Variants in PCCB observed in about 807,000 individuals in gnomAD.
PCCB encodes propionyl-CoA carboxylase subunit beta.
A neutral mutation model predicts 60.7 loss-of-function variants in PCCB; 43 were observed. That is an observed-to-expected ratio of 0.71 (90% CI 0.55 to 0.91). PCCB has a LOEUF of 0.91. Ranked by LOEUF, PCCB falls within the 40% of genes least tolerant of loss-of-function variation. PCCB has a pLI of 0.00. For missense variants in PCCB, 766 were observed against 702.8 expected (o/e 1.09, Z -1.02); for synonymous variants, 276 against 255.9 (o/e 1.08, Z -0.75).
At chr3:136,290,755 G>A (rs902431814) in intron 6 of PCCB, among the ~76,000 whole-genome samples, 1 of 138,960 alleles carries the variant, frequency 7.2e-6, no homozygotes, top group South Asian at 2.3e-4. Flanking sequence ...ACAATTTGGG[G>A]AACTTTTCTG....
intron 3 of PCCB, chr3:136,259,239 G>A (rs761924268): frequency 9.8e-7 from 1 of 1,020,116 alleles, no homozygotes; most frequent in South Asian, 2.6e-5. Context: ...GGCCGAGGTG[G>A]GTAGATCACT....
intron 3 of PCCB, among the ~76,000 whole-genome samples, chr3:136,258,808 A>C (rs1941746115): frequency 6.6e-6 from 1 of 151,860 alleles, no homozygotes. Flanking sequence ...GACTGCTTCT[A>C]ACAGAGACTT....
At position 136,285,738 on chromosome 3, in the gene PCCB, T is replaced by G. The variant is rs183646773; in HGVS notation, c.654+1791T>G. On this transcript the variant is annotated intron_variant, in intron 6 of 14. Coordinates refer to ENST00000251654, the MANE Select transcript of PCCB (RefSeq NM_000532.5). ...TACATGATTCCATTCAGACTCTAGATGCTGGAGTTCATTTCAACTGCTTTC... is the reference window on the plus strand; with the variant it reads ...TACATGATTCCATTCAGACTCTAGAGGCTGGAGTTCATTTCAACTGCTTTC... Among the ~76,000 whole-genome samples, 166 of 152,350 alleles carry G rather than the reference T, an allele frequency of 1.1e-3. 2 individuals are homozygous for G. The highest frequency in any genetic ancestry group is 8.8e-4 in the Non-Finnish European group (60 of 68,036).
chr3:136,270,052 A>G (rs541040432), intron 5 of PCCB, among the ~76,000 whole-genome samples: 1 of 149,188 alleles, frequency 6.7e-6, no homozygotes, highest in African/African-American at 2.5e-5. Flanking sequence ...TCTACTTCTA[A>G]TTTTTTGAGT....
chr3:136,315,409 T>C (rs948247660), intron 9 of PCCB, among the ~76,000 whole-genome samples: 1 of 152,174 alleles, frequency 6.6e-6, no homozygotes, highest in Non-Finnish European at 1.5e-5. Flanking sequence ...TGCGTGCCTG[T>C]AGTCCCAGCT....
chr3:136,278,080 T>G (rs1488507223), intron 5 of PCCB, among the ~76,000 whole-genome samples: 2 of 152,106 alleles, frequency 1.3e-5, no homozygotes, highest in Non-Finnish European at 2.9e-5. Flanking sequence ...CCCTGTGAGG[T>G]ACAATAAAGA....
At chr3:136,271,386 A>C (rs537474026) in intron 5 of PCCB, among the ~76,000 whole-genome samples, 32 of 152,274 alleles carry the variant, frequency 2.1e-4, no homozygotes, top group African/African-American at 7.7e-4. Flanking sequence ...TCTGTGAAAA[A>C]TGATGATGGT....
chr3:136,274,968 T>C (rs1293718258), intron 5 of PCCB, among the ~76,000 whole-genome samples: 1 of 151,870 alleles, frequency 6.6e-6, no homozygotes, highest in Non-Finnish European at 1.5e-5. Flanking sequence ...ATGCCACCAC[T>C]CCCGGCTAAT....
At chr3:136,326,469 T>C in intron 10 of PCCB, 1 of 695,484 alleles carries the variant, frequency 1.4e-6, no homozygotes, top group East Asian at 2.7e-5. Flanking sequence ...GATTGGAAGC[T>C]CTGAGGACTC....
chr3:136,327,295 T>A (rs781489165), intron 12 of PCCB, 40 bp downstream of exon 12: 1 of 1,478,070 alleles, frequency 6.8e-7, no homozygotes, highest in Non-Finnish European at 9.5e-7. Context: ...CTGCTCACTT[T>A]CCTACAGCAT....
intron 10 of PCCB, among the ~76,000 whole-genome samples, chr3:136,325,132 C>T (rs538761598): frequency 1.1e-4 from 17 of 151,512 alleles, no homozygotes; most frequent in Non-Finnish European, 2.1e-4. Context: ...TCAGGTGATC[C>T]GCCCACCTTG....
At chr3:136,254,548 T>TTTA (rs1411852644) in intron 1 of PCCB, among the ~76,000 whole-genome samples, 7 of 130,350 alleles carry the variant, frequency 5.4e-5, no homozygotes, top group South Asian at 2.4e-4. Context: ...TTTTTTTTTT[T>TTTA]AAAAGACAGG....
intron 3 of PCCB, among the ~76,000 whole-genome samples, chr3:136,258,209 A>G (rs917696255): frequency 6.6e-5 from 10 of 152,186 alleles, no homozygotes; most frequent in African/African-American, 2.4e-4. Context: ...AATTCACTGA[A>G]TTGATACTTT....
At position 136,327,161 on chromosome 3, in the gene PCCB, C is replaced by T; in HGVS notation, c.1205C>T (p.Ala402Val). ...AACTCTTCCTCATGTCTAGGCACAG[C>T]ACAGGAATACGGGGGCATCATCCGG... ...VDVPGFLPGT[A>V]QEYGGIIRHG... The change falls in exon 12 of 15, where the codon GCA becomes GTA. Residue 402 changes from alanine to valine, a missense_variant. Physicochemically the swap from Ala to Val is moderately conservative, Grantham distance 64. Coordinates refer to ENST00000251654, the MANE Select transcript of PCCB (RefSeq NM_000532.5). 2 of 1,613,928 alleles carry T rather than the reference C, an allele frequency of 1.2e-6. No homozygotes were observed. The highest frequency in any genetic ancestry group is 1.1e-5 in the South Asian group (1 of 91,070).
At chr3:136,273,578 C>CTTTTTTTTT (rs56936911) in intron 5 of PCCB, among the ~76,000 whole-genome samples, 8 of 59,194 alleles carry the variant, frequency 1.4e-4, no homozygotes, top group Non-Finnish European at 1.9e-4. Flanking sequence ...CTTTTTCTTT[C>CTTTTTTTTT]TTTTTTTTTT....
At chr3:136,317,161 A>G (rs891867397) in intron 10 of PCCB, 97 bp downstream of exon 10, 3 of 1,139,728 alleles carry the variant, frequency 2.6e-6, no homozygotes, top group South Asian at 2.6e-5. Context: ...TTCTTCAGAC[A>G]TGGCCTTCCA....
intron 9 of PCCB, among the ~76,000 whole-genome samples, chr3:136,304,007 A>G (rs1329532080): frequency 8.2e-6 from 1 of 122,342 alleles, no homozygotes; most frequent in African/African-American, 2.5e-5. Context: ...TCTGGAGGCT[A>G]GAAGTCCAAG....
chr3:136,287,736 A>G (rs974374051), intron 6 of PCCB, among the ~76,000 whole-genome samples: 2 of 152,216 alleles, frequency 1.3e-5, no homozygotes, highest in African/African-American at 2.4e-5. Flanking sequence ...GCGCCCAGTT[A>G]TAGTAAATAT....
intron 6 of PCCB, among the ~76,000 whole-genome samples, chr3:136,291,869 T>C (rs1933708713): frequency 6.6e-6 from 1 of 152,150 alleles, no homozygotes; most frequent in Non-Finnish European, 1.5e-5. Flanking sequence ...TTCCTAGAGG[T>C]AAAACTCACA....
Sources: allele counts gnomAD v4.1 joint callset (sites outside exome capture counted in the v4.1 genomes callset), GRCh38; gene constraint gnomAD v4.1.1; transcripts MANE v1.5; gene names NCBI Gene and HGNC (gene_info 2026-07-23, HGNC 2026-07-21).